The following NYAP2 variants were observed in gnomAD, a reference collection of about 807,000 sequenced individuals.
The protein encoded by NYAP2 is neuronal tyrosine-phosphorylated phosphoinositide-3-kinase adapter 2.
In NYAP2, 23 loss-of-function variants were observed where a neutral mutation model predicts 50.4. That is an observed-to-expected ratio of 0.46 (90% CI 0.33 to 0.65). NYAP2 has a LOEUF of 0.65. NYAP2 is among the 30% of genes least tolerant of loss of function. The pLI, the probability that NYAP2 is intolerant of heterozygous loss-of-function variation, is 0.02. For missense variants in NYAP2, 885 were observed against 861.0 expected, an observed-to-expected ratio of 1.03 and a Z score of -0.35; for synonymous variants, 394 against 365.2, an observed-to-expected ratio of 1.08 and a Z score of -0.90.
At chr2:225,437,256 G>C (rs1490247162) in intron 3 of NYAP2, among the ~76,000 whole-genome samples, 1 of 152,124 alleles carries the variant, frequency 6.6e-6, no homozygotes, top group Non-Finnish European at 1.5e-5. Context: ...CTTCATGGCA[G>C]TCACATAACT....
downstream of NYAP2, among the ~76,000 whole-genome samples, chr2:225,657,544 C>T (rs980494562): frequency 4.5e-5 from 6 of 133,826 alleles, no homozygotes; most frequent in African/African-American, 1.4e-4. Context: ...GTCCTAAGGG[C>T]AATATGGGAA....
chr2:225,539,061 G>T (rs965638416), intron 4 of NYAP2, among the ~76,000 whole-genome samples: 1 of 151,858 alleles, frequency 6.6e-6, no homozygotes, highest in Non-Finnish European at 1.5e-5. Context: ...TGTTCTCATT[G>T]TTCAATTCCC....
chr2:225,591,635 C>T (rs995354694), intron 5 of NYAP2, among the ~76,000 whole-genome samples: 4 of 152,028 alleles, frequency 2.6e-5, no homozygotes, highest in African/African-American at 4.8e-5. Flanking sequence ...TTGACCTTGC[C>T]GTTTTAAAGA....
chr2:225,398,406 C>T (rs1694805332), upstream of NYAP2, among the ~76,000 whole-genome samples: 1 of 151,954 alleles, frequency 6.6e-6, no homozygotes, highest in African/African-American at 2.4e-5. Flanking sequence ...TAAAGTGTTT[C>T]CGTTTTCTAA....
chr2:225,427,233 A>G (rs968541963), intron 3 of NYAP2, among the ~76,000 whole-genome samples: 5 of 152,184 alleles, frequency 3.3e-5, no homozygotes, highest in African/African-American at 1.2e-4. Flanking sequence ...CTTACCTCAA[A>G]TAGTCACCCT....
At chr2:225,601,191 G>A (rs1202184923) in intron 5 of NYAP2, among the ~76,000 whole-genome samples, 1 of 150,762 alleles carries the variant, frequency 6.6e-6, no homozygotes, top group Admixed American at 6.6e-5. Flanking sequence ...CGCGATCTTG[G>A]CTCACTGCAA....
the NYAP2 span, among the ~76,000 whole-genome samples, chr2:225,688,668 G>T: frequency 6.6e-6 from 1 of 152,132 alleles, no homozygotes; most frequent in Non-Finnish European, 1.5e-5. Flanking sequence ...CATATAATAA[G>T]TGATAAAAAC....
chr2:225,643,680 G>A (rs1485613097), intron 6 of NYAP2, among the ~76,000 whole-genome samples: 12 of 151,350 alleles, frequency 7.9e-5, no homozygotes, highest in African/African-American at 2.9e-4. Context: ...ACCTATGAGT[G>A]AGAATATGCG....
Position 225,582,913 on chromosome 2 carries a change from C to G in NYAP2, c.1496C>G (p.Pro499Arg). ...GCGGTGAACACCTACGGGGCAGCCC[C>G]GGGTGGCTCCCGGTCCCGGACACCC... The change falls in exon 5 of 7, where the codon CCG (proline) becomes CGG (arginine). Residue 499 changes from proline to arginine, a missense_variant. Physicochemically the swap from Pro to Arg is moderately radical, Grantham distance 103. Transcript: ENST00000636099. This position sits in a 1 kb window ranked among gnomAD's most constrained non-coding sequence, Gnocchi z 7.0. 4 of 1,613,146 alleles carry G rather than the reference C, an allele frequency of 2.5e-6. No homozygotes were observed. Among genetic ancestry groups the G allele is most frequent in the Non-Finnish European group, 3.4e-6 (4 of 1,179,862 alleles).
intron 4 of NYAP2, among the ~76,000 whole-genome samples, chr2:225,575,517 C>G (rs892946558): frequency 6.6e-6 from 1 of 152,168 alleles, no homozygotes; most frequent in Non-Finnish European, 1.5e-5. Context: ...GATGTGGGGG[C>G]CACTGGGACA....
At chr2:225,403,293 A>C (rs529933434) in intron 2 of NYAP2, among the ~76,000 whole-genome samples, 17 of 151,974 alleles carry the variant, frequency 1.1e-4, no homozygotes, top group African/African-American at 4.1e-4. Flanking sequence ...GAGCTCAGAA[A>C]TATATAAAGG....
chr2:225,584,808 G>A (rs1660157484), intron 5 of NYAP2, among the ~76,000 whole-genome samples: 2 of 152,184 alleles, frequency 1.3e-5, no homozygotes, highest in African/African-American at 4.8e-5. Context: ...AGGCATGTCT[G>A]GAGTTATATG....
intron 3 of NYAP2, among the ~76,000 whole-genome samples, chr2:225,448,542 A>G (rs190448624): frequency 2.6e-5 from 4 of 152,296 alleles, no homozygotes; most frequent in Admixed American, 2.6e-4. Flanking sequence ...CACTAAAATT[A>G]TGGGTCAGGA....
intron 3 of NYAP2, among the ~76,000 whole-genome samples, chr2:225,433,816 CAAAAAAAAAAA>C (rs35886164): frequency 6.4e-5 from 4 of 62,492 alleles, no homozygotes; most frequent in South Asian, 1.7e-3. Context: ...GACTCCGTCT[CAAAAAAAAAAA>C]AAAAAAAAAA....
chr2:225,423,771 A>T (rs1265541301), intron 3 of NYAP2, among the ~76,000 whole-genome samples: 1 of 152,182 alleles, frequency 6.6e-6, no homozygotes, highest in Non-Finnish European at 1.5e-5. Context: ...TGTGCCAACT[A>T]GCAACTCTTG....
At chr2:225,612,840 G>C in intron 5 of NYAP2, among the ~76,000 whole-genome samples, 1 of 151,904 alleles carries the variant, frequency 6.6e-6, no homozygotes, top group South Asian at 2.1e-4. Context: ...CCCAATGTGT[G>C]TGATGACATC....
chr2:225,436,527 G>C (rs575697427), intron 3 of NYAP2, among the ~76,000 whole-genome samples: 24 of 152,008 alleles, frequency 1.6e-4, no homozygotes, highest in African/African-American at 4.1e-4. Flanking sequence ...TTGGATTAGG[G>C]GCCTACCCTC....
At position 225,601,777 on chromosome 2, in the gene NYAP2, T is replaced by A. The variant is rs565575886; in HGVS notation, c.1618+18742T>A. On this transcript the variant is annotated intron_variant, in intron 5 of 6. Coordinates refer to ENST00000636099, the Ensembl canonical transcript of NYAP2. ...TTAGTTGTAGAAGTTCTTTATATAATCTGTATATTAATCCCTTATCAGATA... is the reference window on the plus strand; with the variant it reads ...TTAGTTGTAGAAGTTCTTTATATAAACTGTATATTAATCCCTTATCAGATA... 3.3e-5 allele frequency among the ~76,000 whole-genome samples: 5 copies of A among 152,302 alleles called. No homozygotes were observed. In the South Asian group the frequency reaches 1.0e-3, roughly 32 times the overall value.
intron 4 of NYAP2, among the ~76,000 whole-genome samples, chr2:225,537,894 T>C (rs1691379732): frequency 6.6e-6 from 1 of 152,158 alleles, no homozygotes; most frequent in Non-Finnish European, 1.5e-5. Context: ...ATTGGATAAA[T>C]ACAGGCATTT....
Sources: gnomAD v4.1 joint callset for allele counts (sites outside exome capture counted in the v4.1 genomes callset) on GRCh38, gnomAD v4.1.1 for gene constraint, Gnocchi (gnomAD v3.1) non-coding constraint, MANE v1.5 for transcripts, NCBI Gene and HGNC (gene_info 2026-07-23, HGNC 2026-07-21) for gene names.